The following SYTL4 variants were observed in gnomAD, a reference collection of about 807,000 sequenced individuals.
The protein encoded by SYTL4 is synaptotagmin like 4.
A neutral mutation model predicts 52.7 loss-of-function variants in SYTL4; 16 were observed. The observed-to-expected ratio is 0.30, with a 90% CI of 0.21 to 0.46. The LOEUF (loss-of-function observed/expected upper bound fraction) is 0.46, where lower values mean the gene tolerates loss of function less well. Among genes scored for constraint, SYTL4 ranks in the 20% least tolerant of loss-of-function variants. SYTL4 has a pLI of 1.00. For missense variants in SYTL4, 423 were observed against 519.9 expected (o/e 0.81, Z 1.81); for synonymous variants, 160 against 186.6 (o/e 0.86, Z 1.16).
intron 8 of SYTL4, among the ~76,000 whole-genome samples, chrX:100,696,973 A>G (rs1356828396): frequency 1.8e-5 from 2 of 112,330 alleles, no homozygotes; most frequent in African/African-American, 6.5e-5. Flanking sequence ...CAAGTCACAG[A>G]TTTCAAAAAT....
intron 4 of SYTL4, 137 bp downstream of exon 4, chrX:100,702,956 G>C: frequency 8.9e-6 from 1 of 112,126 alleles, no homozygotes; most frequent in Non-Finnish European, 1.9e-5. Context: ...TCACAGAAGA[G>C]GTGGATTTTG....
rs745597677 is a variant in SYTL4, at chrX:100,702,063, C to T, written c.-26G>A. ...GATTTACTCAACTTTTTCTTCTACT[C>T]TTCTTTCTTCAAAACAACCAGACAA... On this transcript the variant is annotated 5_prime_UTR_variant, in exon 5 of 20. Transcript: ENST00000372989. 2 of 1,094,091 alleles carry T rather than the reference C, an allele frequency of 1.8e-6. No individual in the cohort carries two copies. The highest frequency in any genetic ancestry group is 3.1e-5 in the East Asian group (1 of 32,696). The allele number at this position is 1,094,091 out of a possible 1,213,427, so 90.2% of individuals were successfully genotyped here.
At chrX:100,727,565 A>C (rs2084545808) in intron 2 of SYTL4, among the ~76,000 whole-genome samples, 1 of 112,700 alleles carries the variant, frequency 8.9e-6, no homozygotes, top group Admixed American at 9.3e-5. Flanking sequence ...CTTTGACCTA[A>C]CAATTCTCCT....
intron 8 of SYTL4, among the ~76,000 whole-genome samples, chrX:100,696,699 C>A (rs1002626668): frequency 1.6e-4 from 18 of 111,458 alleles, no homozygotes; most frequent in Non-Finnish European, 3.0e-4. Context: ...GGAACCCAAC[C>A]CATATATGTA....
intron 13 of SYTL4, chrX:100,687,516 C>T: frequency 2.9e-6 from 1 of 340,475 alleles, no homozygotes; most frequent in Admixed American, 5.0e-5. Context: ...TTCATTTTCA[C>T]CTGCCCCAGG....
At chrX:100,724,963 T>A (rs1482992292) in intron 2 of SYTL4, among the ~76,000 whole-genome samples, 1 of 110,662 alleles carries the variant, frequency 9.0e-6, no homozygotes, top group Non-Finnish European at 1.9e-5. Context: ...TTGCAAATCA[T>A]ATATATTATG....
Position 100,701,279 on chromosome X carries a change from C to A in SYTL4, c.377G>T (p.Arg126Leu), listed in dbSNP as rs1457368761. The change falls in exon 7 of 20, where the codon CGC (arginine) becomes CTC (leucine). Residue 126 changes from arginine (R) to leucine (L), a missense_variant. Coordinates refer to ENST00000372989, the MANE Select transcript of SYTL4 (RefSeq NM_001370165.1). ...CTCACTACCTGTGCGGTAAGCAAAG[C>A]GATTCACTTTCTGGTCATAAAACCA... ...GDWFYDQKVNRFAYRTGSEII... is the reference protein window; with the variant it reads ...GDWFYDQKVNLFAYRTGSEII... 8.3e-7 allele frequency: 1 copy of A among 1,211,679 alleles called. No individual in the cohort carries two copies.
At chrX:100,726,529 A>G (rs2084521825) in intron 2 of SYTL4, among the ~76,000 whole-genome samples, 1 of 108,513 alleles carries the variant, frequency 9.2e-6, no homozygotes, top group South Asian at 4.3e-4. Flanking sequence ...TCTTGTTTCA[A>G]TGGAAGAGCC....
chrX:100,730,160 C>G (rs896836912), intron 2 of SYTL4, among the ~76,000 whole-genome samples: 1 of 111,011 alleles, frequency 9.0e-6, no homozygotes, highest in Admixed American at 9.6e-5. Flanking sequence ...ACAATTACCA[C>G]AGAGCTGAAA....
Position 100,700,977 on chromosome X carries a change from T to C in SYTL4, c.459A>G (p.Gly153=). The change falls in exon 8 of 20, where the codon GGA becomes GGG. Residue 153 remains glycine (G), a synonymous_variant. Coordinates refer to ENST00000372989, the MANE Select transcript of SYTL4 (RefSeq NM_001370165.1). ...KPAVSKRETV[G]QSLLHQTQMG... is the part of the protein sequence containing the mutation. ...TCTGTGTCTGATGAAGGAGGGACTG[T>C]CCCACTGTCTCTCTTTTACTCACTT... 1 of 1,207,464 alleles carries C rather than the reference T, an allele frequency of 8.3e-7. No individual in the cohort carries two copies. The highest frequency in any genetic ancestry group is 1.1e-6 in the Non-Finnish European group (1 of 891,742).
At chrX:100,682,202 T>C (rs1217100290) in intron 16 of SYTL4, among the ~76,000 whole-genome samples, 1 of 111,476 alleles carries the variant, frequency 9.0e-6, no homozygotes, top group African/African-American at 3.3e-5. Flanking sequence ...CTACACTGCA[T>C]AGAAAAACCC....
At position 100,689,995 on chromosome X, in the gene SYTL4, C is replaced by T. The variant is rs369125861; in HGVS notation, c.809-36G>A. 8.7e-6 allele frequency: 10 copies of T among 1,149,856 alleles called. No individual in the cohort carries two copies. In the African/African-American group the frequency reaches 1.6e-4, roughly 19 times the overall value. The allele number at this position is 1,149,856 out of a possible 1,213,427, so 94.8% of individuals were successfully genotyped here. A position where few individuals can be genotyped will look rare whatever the true frequency, so the allele number is the denominator to read the frequency against. On this transcript the variant is annotated intron_variant, in intron 11 of 19. Coordinates refer to ENST00000372989, the MANE Select transcript of SYTL4 (RefSeq NM_001370165.1). ...GACCAAAAAAGCCAAATCAAAGAGA[C>T]CTATTCTTCTCCATACCAAGAGCCC...
chrX:100,698,315 G>C (rs1399724675), intron 8 of SYTL4, among the ~76,000 whole-genome samples: 3 of 110,966 alleles, frequency 2.7e-5, no homozygotes, highest in Non-Finnish European at 5.7e-5. Context: ...GTGTTAGCCA[G>C]GATGGTCTCG....
chrX:100,711,611 G>A (rs772181251), intron 2 of SYTL4, among the ~76,000 whole-genome samples: 28 of 110,528 alleles, frequency 2.5e-4, no homozygotes, highest in Non-Finnish European at 4.5e-4. Flanking sequence ...TATTCAAAAT[G>A]GAACACAGAA....
At chrX:100,683,973 T>C (rs779167995) in intron 16 of SYTL4, among the ~76,000 whole-genome samples, 1 of 111,739 alleles carries the variant, frequency 8.9e-6, no homozygotes, top group Non-Finnish European at 1.9e-5. Context: ...AATATAATTA[T>C]ATTGACCGTA....
intron 2 of SYTL4, among the ~76,000 whole-genome samples, chrX:100,710,895 C>T (rs899523694): frequency 8.9e-6 from 1 of 112,184 alleles, no homozygotes; most frequent in South Asian, 3.8e-4. Context: ...AGGTTTCACT[C>T]AAGTGTTTAG....
chrX:100,716,806 A>G (rs2084236404), intron 2 of SYTL4, among the ~76,000 whole-genome samples: 1 of 111,221 alleles, frequency 9.0e-6, no homozygotes, highest in African/African-American at 3.3e-5. Flanking sequence ...AAAACTATAA[A>G]TATTCTTATT....
At chrX:100,728,780 G>A (rs1397253713) in intron 2 of SYTL4, among the ~76,000 whole-genome samples, 1 of 111,843 alleles carries the variant, frequency 8.9e-6, no homozygotes, top group Non-Finnish European at 1.9e-5. Context: ...GCTCACGCCT[G>A]TAATCCCAGC....
At chrX:100,712,752 T>C (rs2084099320) in intron 2 of SYTL4, among the ~76,000 whole-genome samples, 1 of 112,193 alleles carries the variant, frequency 8.9e-6, no homozygotes, top group Admixed American at 9.4e-5. Context: ...ATCCAGCATA[T>C]ATAAAGAACT....
Sources: gnomAD v4.1 joint callset for allele counts (sites outside exome capture counted in the v4.1 genomes callset) on GRCh38, gnomAD v4.1.1 for gene constraint, MANE v1.5 for transcripts, NCBI Gene and HGNC (gene_info 2026-07-23, HGNC 2026-07-21) for gene names.